Variants in LRRTM3 observed in about 807,000 individuals in gnomAD.
LRRTM3 encodes the protein leucine-rich repeat transmembrane neuronal protein 3.
In LRRTM3, 24 loss-of-function variants were observed where a neutral mutation model predicts 44.7. The observed-to-expected ratio is 0.54, with a 90% CI of 0.39 to 0.76. LRRTM3 has a LOEUF of 0.76. LRRTM3 is among the 30% of genes least tolerant of loss of function. The pLI is 0.00. For missense variants in LRRTM3, 587 were observed against 702.2 expected (o/e 0.84, Z 1.85); for synonymous variants, 277 against 278.7 (o/e 0.99, Z 0.06).
chr10:66,977,413 C>T (rs1366790737), intron 2 of LRRTM3, among the ~76,000 whole-genome samples: 5 of 141,448 alleles, frequency 3.5e-5, no homozygotes, highest in East Asian at 2.1e-4. Context: ...TCCAGCCTGG[C>T]GATAGAGTGA....
intron 2 of LRRTM3, among the ~76,000 whole-genome samples, chr10:67,061,077 T>C (rs1855731163): frequency 6.6e-6 from 1 of 152,032 alleles, no homozygotes; most frequent in Non-Finnish European, 1.5e-5. Context: ...ATTAATTCTA[T>C]TCAATCAATA....
At chr10:66,935,797 A>G (rs1270069313) in intron 2 of LRRTM3, among the ~76,000 whole-genome samples, 3 of 152,012 alleles carry the variant, frequency 2.0e-5, no homozygotes, top group Admixed American at 6.6e-5. Flanking sequence ...TCCTTAAAAT[A>G]TAAGAACAGA....
intron 2 of LRRTM3, among the ~76,000 whole-genome samples, chr10:67,001,418 C>G (rs1344701833): frequency 6.6e-6 from 1 of 150,784 alleles, no homozygotes; most frequent in African/African-American, 2.4e-5. Flanking sequence ...TTACCTAAAA[C>G]CAAAAAGGTG....
chr10:67,088,202 G>C (rs1857419140), intron 2 of LRRTM3, among the ~76,000 whole-genome samples: 1 of 151,030 alleles, frequency 6.6e-6, no homozygotes, highest in African/African-American at 2.4e-5. Context: ...GGCATGTATT[G>C]GAATGGCTTA....
At chr10:67,080,745 T>G (rs1236915276) in intron 2 of LRRTM3, among the ~76,000 whole-genome samples, 1 of 151,444 alleles carries the variant, frequency 6.6e-6, no homozygotes, top group Non-Finnish European at 1.5e-5. Flanking sequence ...CCATCTCTAC[T>G]AAAAATACAA....
At chr10:66,993,214 T>C (rs1380521026) in intron 2 of LRRTM3, among the ~76,000 whole-genome samples, 1 of 152,138 alleles carries the variant, frequency 6.6e-6, no homozygotes, top group East Asian at 1.9e-4. Context: ...GGTATCTCTA[T>C]GTGGCTATTT....
intron 2 of LRRTM3, among the ~76,000 whole-genome samples, chr10:67,018,248 G>A (rs1286789720): frequency 6.6e-6 from 1 of 151,956 alleles, no homozygotes; most frequent in Non-Finnish European, 1.5e-5. Flanking sequence ...GAGCATAAAG[G>A]CATATGAGGC....
chr10:67,029,011 C>T (rs1467040613), intron 2 of LRRTM3, among the ~76,000 whole-genome samples: 4 of 152,170 alleles, frequency 2.6e-5, no homozygotes, highest in South Asian at 2.1e-4. Context: ...TAAGTGTTTT[C>T]TCTGTGCTTT....
intron 2 of LRRTM3, among the ~76,000 whole-genome samples, chr10:67,034,362 G>T (rs555546611): frequency 6.6e-6 from 1 of 152,274 alleles, no homozygotes; most frequent in South Asian, 2.1e-4. Context: ...AAGTGATGAG[G>T]ATACAATGCC....
intron 2 of LRRTM3, among the ~76,000 whole-genome samples, chr10:66,962,875 C>T (rs899656370): frequency 3.9e-5 from 6 of 152,034 alleles, no homozygotes; most frequent in Admixed American, 2.0e-4. Context: ...TCTGTCTTGC[C>T]CAACAATGCA....
At chr10:66,996,647 T>TCCAAAAAAAAA (rs1851361925) in intron 2 of LRRTM3, among the ~76,000 whole-genome samples, 6 of 8,950 alleles carry the variant, frequency 6.7e-4, no homozygotes, top group African/African-American at 1.1e-3. Flanking sequence ...ACTCCGTCTC[T>TCCAAAAAAAAA]ACAAAAAAAA....
Position 66,978,093 on chromosome 10 carries a change from T to C in LRRTM3, c.1536+49641T>C, listed in dbSNP as rs896118643. Among the ~76,000 whole-genome samples, 63 of 147,876 alleles carry C rather than the reference T, an allele frequency of 4.3e-4. 1 individual carries two copies. The highest frequency in any genetic ancestry group is 1.4e-3 in the African/African-American group (57 of 39,530). On this transcript the variant is annotated intron_variant, in intron 2 of 2. Coordinates refer to ENST00000361320, the MANE Select transcript of LRRTM3 (RefSeq NM_178011.5). ...ACACACACACACACACACACACACA[T>C]GCGATGACGTTCCTGAAAATATGAT...
At chr10:66,966,282 A>G (rs1394406988) in intron 2 of LRRTM3, among the ~76,000 whole-genome samples, 2 of 152,260 alleles carry the variant, frequency 1.3e-5, no homozygotes, top group East Asian at 3.9e-4. Context: ...TAGACAATTA[A>G]ATTAATCTTT....
rs1858089941 is a variant in LRRTM3, at chr10:67,097,648, G to C, written c.1598G>C (p.Cys533Ser). 1.2e-6 allele frequency: 2 copies of C among 1,612,564 alleles called. No homozygotes were observed. The highest frequency in any genetic ancestry group is 1.3e-5 in the African/African-American group (1 of 74,784). ...LAYDQPTISY[C>S]GVHHELLSHK... ...TACGACCAGCCCACAATAAGTTACT[G>C]TGGGGTGCATCATGAACTTCTCTCC... is the stretch of plus-strand genomic sequence containing the variant. The change falls in exon 3 of 3, where the codon TGT becomes TCT. Residue 533 changes from cysteine to serine, a missense_variant. By Grantham distance (112) the Cys-to-Ser change is moderately radical. Around this residue, in one of 3 missense-constraint regions of LRRTM3, gnomAD observed 315 missense variants for 335.6 expected, o/e 0.94. Coordinates refer to ENST00000361320, the MANE Select transcript of LRRTM3 (RefSeq NM_178011.5).
chr10:66,993,741 T>C (rs1851170814), intron 2 of LRRTM3, among the ~76,000 whole-genome samples: 1 of 151,860 alleles, frequency 6.6e-6, no homozygotes, highest in African/African-American at 2.4e-5. Flanking sequence ...ATTGAGCCTG[T>C]ATTTCGGATT....
At position 66,966,827 on chromosome 10, in the gene LRRTM3, A is replaced by G. The variant is rs1158615516; in HGVS notation, c.1536+38375A>G. Reference sequence around the variant, plus strand: ...AATCAGTGTGCTCTCACATCTCCATATCTCTGTGTTACCCAACATAGAACT... The same window carrying G: ...AATCAGTGTGCTCTCACATCTCCATGTCTCTGTGTTACCCAACATAGAACT... On this transcript the variant is annotated intron_variant, in intron 2 of 2. Coordinates refer to ENST00000361320, the MANE Select transcript of LRRTM3 (RefSeq NM_178011.5). 2.6e-5 allele frequency among the ~76,000 whole-genome samples: 4 copies of G among 152,124 alleles called. No homozygotes were observed. In the East Asian group the frequency reaches 7.7e-4, roughly 29 times the overall value.
chr10:67,041,480 T>A (rs1854392851), intron 2 of LRRTM3, among the ~76,000 whole-genome samples: 1 of 152,180 alleles, frequency 6.6e-6, no homozygotes, highest in African/African-American at 2.4e-5. Context: ...TCAATTCTTA[T>A]ATTCCTAAAG....
intron 2 of LRRTM3, among the ~76,000 whole-genome samples, chr10:66,929,023 C>T (rs1847227259): frequency 6.6e-6 from 1 of 152,102 alleles, no homozygotes; most frequent in Non-Finnish European, 1.5e-5. Flanking sequence ...AAAGCAGCAC[C>T]CTGAGCAGTT....
intron 2 of LRRTM3, among the ~76,000 whole-genome samples, chr10:67,011,111 C>T (rs554282614): frequency 7.2e-4 from 110 of 152,138 alleles, no homozygotes; most frequent in Non-Finnish European, 1.2e-3. Context: ...AGACGGATCA[C>T]GAAGTCAAGG....
Sources: allele counts gnomAD v4.1 joint callset (sites outside exome capture counted in the v4.1 genomes callset), GRCh38; gene constraint gnomAD v4.1.1; regional missense constraint gnomAD v4.1.1; transcripts MANE v1.5; gene names NCBI Gene and HGNC (gene_info 2026-07-23, HGNC 2026-07-21).